The following CPB1 variants were observed in gnomAD, a reference collection of about 807,000 sequenced individuals.
The protein encoded by CPB1 is carboxypeptidase B.
In CPB1, 53 loss-of-function variants were observed where a neutral mutation model predicts 51.4. The ratio of observed to expected loss-of-function variants is 1.03; its 90% CI spans 0.83 to 1.30. CPB1 has a LOEUF of 1.30. Among genes scored for constraint, CPB1 ranks in the 50% most tolerant of loss-of-function variants. The pLI, the probability that CPB1 is intolerant of heterozygous loss-of-function variation, is 0.00. For missense variants in CPB1, 494 were observed against 516.2 expected (o/e 0.96, Z 0.42); for synonymous variants, 189 against 186.9 (o/e 1.01, Z -0.09).
chr3:148,841,252 T>C (rs545142485), intron 5 of CPB1, among the ~76,000 whole-genome samples: 1 of 152,350 alleles, frequency 6.6e-6, no homozygotes, highest in Non-Finnish European at 1.5e-5. Flanking sequence ...ATTATCTACC[T>C]TGATGAAATT....
In CPB1 at chr3:148,845,444, C is replaced by T. The variant is rs1190723821; in HGVS notation, c.799C>T (p.Pro267Ser). Residue 267 changes from proline to serine, a missense_variant, in exon 9 of 11, where the codon CCC (proline) becomes TCC (serine). Transcript: ENST00000282957. ...TCCAGAAATTGGAGCCTCTCGAAAC[C>T]CCTGTGATGAAACTTACTGTGGACC... ...GWCEIGASRN[P>S]CDETYCGPAA... The T allele has an allele frequency of 2.5e-6, 4 of 1,613,646 alleles. No homozygotes were observed. Among genetic ancestry groups the T allele is most frequent in the Admixed American group, 1.7e-5 (1 of 59,968 alleles).
intron 2 of CPB1, among the ~76,000 whole-genome samples, chr3:148,833,752 AAC>A (rs1216716907): frequency 9.1e-4 from 137 of 151,068 alleles, no homozygotes; most frequent in African/African-American, 3.2e-3. Flanking sequence ...AAAAAAAAAA[AAC>A]AGCTATTTGG....
At chr3:148,844,892 AG>A in intron 8 of CPB1, 125 bp downstream of exon 8, 1 of 829,710 alleles carries the variant, frequency 1.2e-6, no homozygotes, top group Non-Finnish European at 1.9e-6. Context: ...ACCTTCTAAA[AG>A]CACCAAAAAA....
At chr3:148,857,253 T>G (rs1576575210) in intron 9 of CPB1, 1 of 484,780 alleles carries the variant, frequency 2.1e-6, no homozygotes, top group Non-Finnish European at 3.8e-6. Flanking sequence ...TTGGGGAGGG[T>G]ATTAGGGAAG....
chr3:148,841,027 A>C (rs748188666), intron 5 of CPB1, 52 bp downstream of exon 5: 17 of 1,397,396 alleles, frequency 1.2e-5, no homozygotes, highest in East Asian at 4.6e-5. Flanking sequence ...TAAATCAATG[A>C]ATTCTAACAC....
At chr3:148,849,398 A>G (rs147238438) in intron 9 of CPB1, among the ~76,000 whole-genome samples, 1 of 152,302 alleles carries the variant, frequency 6.6e-6, no homozygotes, top group African/African-American at 2.4e-5. Context: ...ATGAATTTAG[A>G]TTTCCAAAAT....
intron 9 of CPB1, among the ~76,000 whole-genome samples, chr3:148,847,833 A>T (rs1713301380): frequency 6.6e-6 from 1 of 152,326 alleles, no homozygotes; most frequent in South Asian, 2.1e-4. Context: ...TCTTTACCAG[A>T]GTACAAGACA....
At chr3:148,842,360 T>C (rs1713112576) in intron 6 of CPB1, among the ~76,000 whole-genome samples, 1 of 152,224 alleles carries the variant, frequency 6.6e-6, no homozygotes, top group Non-Finnish European at 1.5e-5. Flanking sequence ...GATCATTATC[T>C]CTTGGCTAAT....
At chr3:148,856,840 A>G (rs1324750688) in intron 9 of CPB1, 1 of 152,202 alleles carries the variant, frequency 6.6e-6, no homozygotes, top group African/African-American at 2.4e-5. Flanking sequence ...AATGTTCTGC[A>G]TTTTGAAATA....
At chr3:148,852,173 G>A (rs1197124897) in intron 9 of CPB1, among the ~76,000 whole-genome samples, 2 of 152,160 alleles carry the variant, frequency 1.3e-5, no homozygotes, top group African/African-American at 4.8e-5. Context: ...CATTCTCATA[G>A]CACCTTTAAA....
chr3:148,844,728 G>A lies in CPB1; in HGVS notation c.739G>A (p.Gly247Ser). The change falls in exon 8 of 11, where the codon GGC becomes AGC. Residue 247 changes from glycine (G) to serine (S), a missense_variant. Physicochemically the swap from Gly to Ser is moderately conservative, Grantham distance 56. Transcript: ENST00000282957. ...RSTHTGSSCI[G>S]TDPNRNFDAG... ...CACCCATACTGGATCTAGCTGCATT[G>A]GCACAGACCCCAACAGAAATTTTGA... The A allele has an allele frequency of 6.2e-7, 1 of 1,613,954 alleles. No individual in the cohort carries two copies. Among genetic ancestry groups the A allele is most frequent in the South Asian group, 1.1e-5 (1 of 91,076 alleles).
At chr3:148,859,696 T>C (rs929306096) in intron 10 of CPB1, 119 bp from the exon 11 acceptor site, 9 of 881,994 alleles carry the variant, frequency 1.0e-5, no homozygotes, top group African/African-American at 1.7e-5. Context: ...TACTAGAAAA[T>C]TGGCCTACTC....
chr3:148,834,360 C>T (rs1712828982), intron 2 of CPB1, 138 bp from the exon 3 acceptor site: 1 of 845,296 alleles, frequency 1.2e-6, no homozygotes. Context: ...CTTGTTCACT[C>T]AAAGGAAATA....
chr3:148,857,455 A>G lies in CPB1; in HGVS notation c.982-2A>G, dbSNP rs1165920678. On this transcript the variant is annotated splice_acceptor_variant, in intron 9 of 10. Transcript: ENST00000282957. LOFTEE classifies it high-confidence loss of function. ...CCTTACTTATTCCTGTTTCTTTTGCAGAATGCCCTGGCTAAAGCTACTGTG... is the reference window on the plus strand; with the variant it reads ...CCTTACTTATTCCTGTTTCTTTTGCGGAATGCCCTGGCTAAAGCTACTGTG... 1.9e-6 allele frequency: 3 copies of G among 1,612,940 alleles called. No homozygotes were observed. Among genetic ancestry groups the G allele is most frequent in the Non-Finnish European group, 2.5e-6 (3 of 1,179,036 alleles).
chr3:148,859,806 A>G lies in CPB1; in HGVS notation c.1067-9A>G. The G allele has an allele frequency of 6.2e-7, 1 of 1,603,658 alleles. No homozygotes were observed. ...AAAGTTTTTTTTCACTGCTGTTTGC[A>G]CATTTCAGATCCTGCTGCTGGGGGC... On this transcript the variant is annotated splice_polypyrimidine_tract_variant and intron_variant, in intron 10 of 10. Coordinates refer to ENST00000282957, the MANE Select transcript of CPB1 (RefSeq NM_001871.3).
intron 8 of CPB1, among the ~76,000 whole-genome samples, 200 bp from the exon 9 acceptor site, chr3:148,845,224 C>T (rs1256127203): frequency 1.3e-5 from 2 of 152,000 alleles, no homozygotes; most frequent in East Asian, 3.9e-4. Context: ...AACTTCTTAC[C>T]AGGTTAGCTT....
chr3:148,855,737 A>C (rs1471444368), intron 9 of CPB1: 1 of 152,246 alleles, frequency 6.6e-6, no homozygotes, highest in Non-Finnish European at 1.5e-5. Flanking sequence ...TCAAGGCTTA[A>C]GGAAAAATTG....
chr3:148,842,589 T>C (rs1713117085), intron 6 of CPB1, among the ~76,000 whole-genome samples: 1 of 152,168 alleles, frequency 6.6e-6, no homozygotes, highest in African/African-American at 2.4e-5. Flanking sequence ...GAATTACAAC[T>C]AATATATGTA....
chr3:148,829,052 A>T lies in CPB1; in HGVS notation c.147+975A>T, dbSNP rs540289783. The stretch of plus-strand genomic sequence containing the variant: ...TGTATACTACTTTTTGGAATAGCCC[A>T]CTTGCCTTACAAATCATTCCAACTG... On this transcript the variant is annotated intron_variant, in intron 2 of 10. Transcript: ENST00000282957. Among the ~76,000 whole-genome samples, 13 of 152,342 alleles carry T rather than the reference A, an allele frequency of 8.5e-5. No homozygotes were observed. The East Asian group carries it at 1.5e-3, about 18-fold the overall frequency.
Sources: gnomAD v4.1 joint callset for allele counts (sites outside exome capture counted in the v4.1 genomes callset) on GRCh38, gnomAD v4.1.1 for gene constraint, MANE v1.5 for transcripts, NCBI Gene and HGNC (gene_info 2026-07-23, HGNC 2026-07-21) for gene names.